Variants in SCHIP1 observed in about 807,000 individuals in gnomAD.
SCHIP1 encodes the protein schwannomin interacting protein 1, also known as schwannomin-interacting protein 1.
SCHIP1 carries 8 observed loss-of-function variants against 29.7 expected under a neutral mutation model. The ratio of observed to expected loss-of-function variants is 0.27; its 90% CI spans 0.16 to 0.49. SCHIP1 has a LOEUF of 0.49. Ranked by LOEUF, SCHIP1 falls within the 20% of genes least tolerant of loss-of-function variation. The probability of loss-of-function intolerance (pLI) is 0.99; values close to 1 mark genes in which losing one functional copy is unlikely to be tolerated. For missense variants in SCHIP1, 193 were observed against 294.6 expected (o/e 0.66, Z 2.52); for synonymous variants, 76 against 94.9 (o/e 0.80, Z 1.16).
chr3:159,601,595 G>T, the SCHIP1 span, among the ~76,000 whole-genome samples: 6 of 152,196 alleles, frequency 3.9e-5, no homozygotes, highest in Admixed American at 6.5e-5. Context: ...CAGTGGCAAA[G>T]GATGTCACTC....
At chr3:159,676,851 TTA>T in the SCHIP1 span, among the ~76,000 whole-genome samples, 1 of 152,182 alleles carries the variant, frequency 6.6e-6, no homozygotes, top group Admixed American at 6.5e-5. Flanking sequence ...ACTCAGAATT[TTA>T]TAGAGACAAT....
chr3:159,291,088 C>G, the SCHIP1 span, among the ~76,000 whole-genome samples: 5 of 152,052 alleles, frequency 3.3e-5, no homozygotes, highest in African/African-American at 1.2e-4. Flanking sequence ...AGAGGAGCGG[C>G]TGATTCCAGC....
chr3:159,739,487 A>C, the SCHIP1 span, among the ~76,000 whole-genome samples: 6 of 152,242 alleles, frequency 3.9e-5, no homozygotes, highest in African/African-American at 1.4e-4. Flanking sequence ...GAAGGCTGCT[A>C]AATAACATAT....
chr3:159,711,622 C>A, the SCHIP1 span, among the ~76,000 whole-genome samples: 1 of 152,198 alleles, frequency 6.6e-6, no homozygotes, highest in South Asian at 2.1e-4. Flanking sequence ...GAGCCTATTG[C>A]TCATAACCAG....
the SCHIP1 span, among the ~76,000 whole-genome samples, chr3:159,542,964 T>C: frequency 6.6e-6 from 1 of 152,040 alleles, no homozygotes; most frequent in Non-Finnish European, 1.5e-5. Flanking sequence ...GGTTTGAATG[T>C]ACTTAAAGGA....
chr3:159,416,531 T>C, the SCHIP1 span, among the ~76,000 whole-genome samples: 1 of 152,218 alleles, frequency 6.6e-6, no homozygotes, highest in African/African-American at 2.4e-5. Context: ...ACTTTCATTT[T>C]GTTGTTCATA....
At chr3:159,809,342 A>G in the SCHIP1 span, among the ~76,000 whole-genome samples, 1 of 152,178 alleles carries the variant, frequency 6.6e-6, no homozygotes, top group Non-Finnish European at 1.5e-5. Flanking sequence ...GCTGCATAGT[A>G]TTCCATGGTG....
chr3:159,573,677 T>G, the SCHIP1 span, among the ~76,000 whole-genome samples: 1 of 152,214 alleles, frequency 6.6e-6, no homozygotes, highest in East Asian at 1.9e-4. Flanking sequence ...TTTGGGAAGT[T>G]CTGCTGGATA....
the SCHIP1 span, among the ~76,000 whole-genome samples, chr3:159,509,825 G>C: frequency 1.3e-5 from 2 of 152,212 alleles, no homozygotes; most frequent in Non-Finnish European, 2.9e-5. Context: ...TAGAGTTTCT[G>C]CTGAGAGATC....
chr3:159,640,137 G>A, the SCHIP1 span, among the ~76,000 whole-genome samples: 1 of 152,042 alleles, frequency 6.6e-6, no homozygotes, highest in Admixed American at 6.6e-5. Context: ...GATGTTCTGA[G>A]GGCCTGTTAT....
the SCHIP1 span, among the ~76,000 whole-genome samples, chr3:159,453,383 C>A: frequency 6.6e-6 from 1 of 152,180 alleles, no homozygotes; most frequent in South Asian, 2.1e-4. Context: ...CTGCCTAAAG[C>A]TCAGGGAGTG....
chr3:159,387,342 A>G, the SCHIP1 span: 1 of 379,706 alleles, frequency 2.6e-6, no homozygotes, highest in Middle Eastern at 9.0e-4. Context: ...TTTTATGGGC[A>G]GGGAGAAGAG....
chr3:159,597,241 T>G, the SCHIP1 span, among the ~76,000 whole-genome samples: 1 of 152,180 alleles, frequency 6.6e-6, no homozygotes, highest in East Asian at 1.9e-4. Context: ...TGTACAAACT[T>G]ATGGGGTACA....
At chr3:159,332,968 A>G in the SCHIP1 span, among the ~76,000 whole-genome samples, 6 of 152,222 alleles carry the variant, frequency 3.9e-5, no homozygotes, top group East Asian at 1.2e-3. Flanking sequence ...AGCCTGCATC[A>G]GTTTCAGTGC....
the SCHIP1 span, among the ~76,000 whole-genome samples, chr3:159,430,369 C>T: frequency 1.3e-5 from 2 of 152,108 alleles, no homozygotes; most frequent in African/African-American, 4.8e-5. Context: ...ATTTTAGATA[C>T]AACCTACCTT....
the SCHIP1 span, among the ~76,000 whole-genome samples, chr3:159,485,387 G>A: frequency 6.6e-6 from 1 of 152,246 alleles, no homozygotes; most frequent in East Asian, 1.9e-4. Context: ...TAAGCACGTA[G>A]CAAATGTCGA....
the SCHIP1 span, among the ~76,000 whole-genome samples, chr3:159,777,668 A>G: frequency 2.0e-5 from 3 of 152,194 alleles, no homozygotes; most frequent in Non-Finnish European, 2.9e-5. Context: ...ATATAAACAC[A>G]CACACATATG....
the SCHIP1 span, among the ~76,000 whole-genome samples, chr3:159,522,333 G>GCTAAGA: frequency 6.6e-6 from 1 of 152,198 alleles, no homozygotes; most frequent in East Asian, 1.9e-4. Flanking sequence ...TTATGCTAAG[G>GCTAAGA]TTTGCAAGTA....
At chr3:159,609,751 T>C in the SCHIP1 span, among the ~76,000 whole-genome samples, 1 of 152,112 alleles carries the variant, frequency 6.6e-6, no homozygotes, top group Non-Finnish European at 1.5e-5. Flanking sequence ...CTGAGTGTTA[T>C]GTGAGAGATA....
Sources: gnomAD v4.1 joint callset for allele counts (sites outside exome capture counted in the v4.1 genomes callset) on GRCh38, gnomAD v4.1.1 for gene constraint, MANE v1.5 for transcripts, NCBI Gene and HGNC (gene_info 2026-07-23, HGNC 2026-07-21) for gene names.